Variants in LMO2 observed in about 807,000 individuals in gnomAD.
LMO2 encodes the protein rhombotin-2.
LMO2 carries 20 observed loss-of-function variants against 23.2 expected under a neutral mutation model. That is an observed-to-expected ratio of 0.86 (90% CI 0.61 to 1.25). LMO2 has a LOEUF of 1.25. Among genes scored for constraint, LMO2 ranks in the 50% most tolerant of loss-of-function variants. The pLI is 0.00. For missense variants in LMO2, 270 were observed against 315.3 expected (o/e 0.86, Z 1.09); for synonymous variants, 123 against 130.2 (o/e 0.94, Z 0.38).
intron 2 of LMO2, among the ~76,000 whole-genome samples, chr11:33,879,417 C>T (rs931460892): frequency 6.1e-5 from 9 of 148,164 alleles, no homozygotes; most frequent in East Asian, 5.9e-4. Flanking sequence ...GTCAGGAGTT[C>T]GAGACCAGCC....
At position 33,870,900 on chromosome 11, in the gene LMO2, G is replaced by A. The variant is rs562113150; in HGVS notation, c.-271-913C>T. On this transcript the variant is annotated intron_variant, in intron 2 of 5. Coordinates refer to ENST00000257818, the MANE Select transcript of LMO2 (RefSeq NM_005574.4). ...GGCAGGAACGCAGAGGGGAAGCGGG[G>A]GAGGCTAGTAGTTTGCCCTTCCGTG... The A allele has an allele frequency of 3.3e-4, 71 of 214,216 alleles. No homozygotes were observed. The South Asian group carries it at 0.011, about 33-fold the overall frequency. 13.3% of individuals were successfully genotyped at this position (214,216 alleles called of 1,614,324 possible). A position where few individuals can be genotyped will look rare whatever the true frequency, so the allele number is the denominator to read the frequency against.
intron 2 of LMO2, 144 bp downstream of exon 2, chr11:33,881,680 G>T: frequency 3.1e-6 from 1 of 321,278 alleles, no homozygotes; most frequent in Non-Finnish European, 6.1e-6. Context: ...GTTAAGTGCA[G>T]TCTGGCTTCC....
chr11:33,865,729 T>G (rs1459806869), intron 4 of LMO2, among the ~76,000 whole-genome samples: 1 of 152,246 alleles, frequency 6.6e-6, no homozygotes, highest in Non-Finnish European at 1.5e-5. Context: ...GTGACACGTG[T>G]TCTTTCGTTA....
intron 5 of LMO2, among the ~76,000 whole-genome samples, chr11:33,861,061 CCTCA>C: frequency 6.6e-6 from 1 of 152,318 alleles, no homozygotes; most frequent in South Asian, 2.1e-4. Context: ...ATAGGCTCCA[CCTCA>C]CTCAGCTGTT....
chr11:33,875,939 A>T (rs1480056107), intron 2 of LMO2, among the ~76,000 whole-genome samples: 1 of 152,146 alleles, frequency 6.6e-6, no homozygotes, highest in Non-Finnish European at 1.5e-5. Flanking sequence ...AGGCCCTATT[A>T]TCTGGCCTCT....
intron 4 of LMO2, among the ~76,000 whole-genome samples, chr11:33,868,744 G>C (rs1287309819): frequency 6.6e-6 from 1 of 152,182 alleles, no homozygotes; most frequent in Non-Finnish European, 1.5e-5. Flanking sequence ...CCCGAGGAGG[G>C]GTACACCTAC....
intron 2 of LMO2, among the ~76,000 whole-genome samples, chr11:33,873,280 C>A (rs1565031316): frequency 6.6e-6 from 1 of 152,106 alleles, no homozygotes; most frequent in Non-Finnish European, 1.5e-5. Flanking sequence ...GACTTTGGGT[C>A]AGTTTCTTAT....
intron 2 of LMO2, among the ~76,000 whole-genome samples, chr11:33,879,174 G>A (rs1248325757): frequency 1.3e-5 from 2 of 152,042 alleles, no homozygotes; most frequent in African/African-American, 4.8e-5. Context: ...TGACTCTAAA[G>A]GCACAGGCAA....
chr11:33,888,412 T>G (rs1274109619), intron 1 of LMO2, among the ~76,000 whole-genome samples: 1 of 152,190 alleles, frequency 6.6e-6, no homozygotes, highest in Non-Finnish European at 1.5e-5. Context: ...CAAAGTCCTA[T>G]AAGGCCCTGC....
At chr11:33,879,302 A>C (rs1011530022) in intron 2 of LMO2, among the ~76,000 whole-genome samples, 1 of 152,086 alleles carries the variant, frequency 6.6e-6, no homozygotes, top group African/African-American at 2.4e-5. Flanking sequence ...TTTACAAATC[A>C]TATATCTGAT....
chr11:33,883,203 G>A (rs963737437), intron 1 of LMO2, among the ~76,000 whole-genome samples: 22 of 152,194 alleles, frequency 1.4e-4, no homozygotes, highest in African/African-American at 4.8e-4. Flanking sequence ...AAGGGGGATG[G>A]TACCTACGAA....
At chr11:33,867,050 T>G (rs1856813940) in intron 4 of LMO2, among the ~76,000 whole-genome samples, 1 of 152,222 alleles carries the variant, frequency 6.6e-6, no homozygotes, top group Non-Finnish European at 1.5e-5. Flanking sequence ...CCGATGTTGA[T>G]GCTGCCAAAG....
chr11:33,880,276 GATATATATC>G lies in LMO2; in HGVS notation c.-272+1539_-272+1547del, dbSNP rs576672054. Among the ~76,000 whole-genome samples the G allele has an allele frequency of 1.6e-4, 18 of 111,692 alleles. No individual in the cohort carries two copies. Among genetic ancestry groups the G allele is most frequent in the African/African-American group, 4.0e-4 (11 of 27,192 alleles). The allele number at this position is 111,692 out of a possible 152,430, so 73.3% of individuals were successfully genotyped here. On this transcript the variant is annotated intron_variant, in intron 2 of 5. Transcript: ENST00000257818. This position sits in a 1 kb window ranked among gnomAD's most constrained non-coding sequence, Gnocchi z 4.3. ...TGATATATATATCATACATACACAT[GATATATATC>G]ATATATATCATATATATACATATCA...
At position 33,869,494 on chromosome 11, in the gene LMO2, C is replaced by T; in HGVS notation, c.100G>A (p.Gly34Ser). The change falls in exon 4 of 6, where the codon GGC becomes AGC. Residue 34 changes from glycine to serine, a missense_variant. Coordinates refer to ENST00000257818, the MANE Select transcript of LMO2 (RefSeq NM_005574.4). ...RRRRSGGDGGGGGGARAPEGV... is the reference protein window; with the variant it reads ...RRRRSGGDGGSGGGARAPEGV... ...TCGGGTGCTCGGGCGCCGCCGCCGC[C>T]GCCGCCGTCGCCGCCGCTCCTGCGC... 8.3e-7 allele frequency: 1 copy of T among 1,201,812 alleles called. No individual in the cohort carries two copies. The highest frequency in any genetic ancestry group is 1.0e-6 in the Non-Finnish European group (1 of 964,726). 74.4% of individuals were successfully genotyped at this position (1,201,812 alleles called of 1,614,324 possible).
At chr11:33,871,986 G>A (rs1857034679) in intron 2 of LMO2, among the ~76,000 whole-genome samples, 1 of 151,980 alleles carries the variant, frequency 6.6e-6, no homozygotes, top group South Asian at 2.1e-4. Flanking sequence ...TATCCTGGCC[G>A]GGCTCGGTGG....
At chr11:33,862,956 T>C (rs954552886) in intron 5 of LMO2, among the ~76,000 whole-genome samples, 1 of 152,114 alleles carries the variant, frequency 6.6e-6, no homozygotes, top group Non-Finnish European at 1.5e-5. Flanking sequence ...TGTTTTTTTT[T>C]TCCTCTCCTT....
Position 33,869,478 on chromosome 11 carries a change from C to T in LMO2, c.116G>A (p.Arg39Gln). The change falls in exon 4 of 6, where the codon CGA becomes CAA. Residue 39 changes from arginine (R) to glutamine (Q), a missense_variant. Transcript: ENST00000257818. Reference sequence around the variant, plus strand: ...CGGGGCTCGGACCCCCTCGGGTGCTCGGGCGCCGCCGCCGCCGCCGCCGTC... The same window carrying T: ...CGGGGCTCGGACCCCCTCGGGTGCTTGGGCGCCGCCGCCGCCGCCGCCGTC... The part of the protein sequence containing the change: ...GGDGGGGGGA[R>Q]APEGVRAPAA... 3.3e-6 allele frequency: 4 copies of T among 1,206,820 alleles called. No homozygotes were observed. Among genetic ancestry groups the T allele is most frequent in the Non-Finnish European group, 4.1e-6 (4 of 968,416 alleles). 74.8% of individuals were successfully genotyped at this position (1,206,820 alleles called of 1,614,324 possible).
Position 33,864,972 on chromosome 11 carries a change from G to T in LMO2, c.249-155C>A. On this transcript the variant is annotated intron_variant, in intron 4 of 5. Transcript: ENST00000257818. This position sits in a 1 kb window ranked among gnomAD's most constrained non-coding sequence, Gnocchi z 4.8. The stretch of plus-strand genomic sequence containing the variant: ...GGACAACACATCCCTTGGCCAGACT[G>T]CAGAGTCCCAACCAACCTTGGGTTA... The T allele has an allele frequency of 1.4e-6, 1 of 704,336 alleles. No homozygotes were observed. The highest frequency in any genetic ancestry group is 1.6e-5 in the South Asian group (1 of 61,732). 43.6% of individuals were successfully genotyped at this position (704,336 alleles called of 1,614,324 possible). A position where few individuals can be genotyped will look rare whatever the true frequency, so the allele number is the denominator to read the frequency against.
At position 33,880,277 on chromosome 11, in the gene LMO2, A is replaced by ATG. The variant is rs1857248239; in HGVS notation, c.-272+1546_-272+1547insCA. Among the ~76,000 whole-genome samples, 2 of 119,366 alleles carry ATG rather than the reference A, an allele frequency of 1.7e-5. No individual in the cohort carries two copies. Among genetic ancestry groups the ATG allele is most frequent in the African/African-American group, 7.9e-5 (2 of 25,290 alleles). 78.3% of individuals were successfully genotyped at this position (119,366 alleles called of 152,430 possible). On this transcript the variant is annotated intron_variant, in intron 2 of 5. Transcript: ENST00000257818. The surrounding 1 kb of genome is among the most constrained non-coding windows in gnomAD (Gnocchi z 4.3). ...GATATATATATCATACATACACATG[A>ATG]TATATATCATATATATCATATATAT...
Sources: allele counts gnomAD v4.1 joint callset (sites outside exome capture counted in the v4.1 genomes callset), GRCh38; gene constraint gnomAD v4.1.1; non-coding constraint Gnocchi (gnomAD v3.1); transcripts MANE v1.5; gene names NCBI Gene and HGNC (gene_info 2026-07-23, HGNC 2026-07-21).